ADGRL2: variants seen among roughly 807,000 people sequenced by gnomAD.
The protein encoded by ADGRL2 is adhesion G protein-coupled receptor L2.
A neutral mutation model predicts 157.4 loss-of-function variants in ADGRL2; 44 were observed. The ratio of observed to expected loss-of-function variants is 0.28; its 90% CI spans 0.22 to 0.36. ADGRL2 has a LOEUF of 0.36. Ranked by LOEUF, ADGRL2 falls within the 10% of genes least tolerant of loss-of-function variation. The pLI is 1.00. For missense variants in ADGRL2, 1,510 were observed against 1,768.9 expected (o/e 0.85, Z 2.63); for synonymous variants, 585 against 624.7 (o/e 0.94, Z 0.95).
chr1:81,913,201 T>G (rs2094773276), intron 3 of ADGRL2, among the ~76,000 whole-genome samples: 1 of 152,208 alleles, frequency 6.6e-6, no homozygotes, highest in Non-Finnish European at 1.5e-5. Context: ...ATCAATATCC[T>G]AACCTATTAT....
At chr1:81,355,788 T>C (rs1663240831) in intron 1 of ADGRL2, among the ~76,000 whole-genome samples, 1 of 152,180 alleles carries the variant, frequency 6.6e-6, no homozygotes, top group Admixed American at 6.5e-5. Context: ...TTATGTGTCA[T>C]TACCAGGAGA....
chr1:81,525,618 T>G lies in ADGRL2; in HGVS notation c.-247-55258T>G, dbSNP rs540685261. On this transcript the variant is annotated intron_variant, in intron 2 of 24. Transcript: ENST00000370721. ...CAGGCATGAGCCACCATACCCTGCC[T>G]ATAAAGTGTACTTTCTGACATAGTG... Among the ~76,000 whole-genome samples the G allele has an allele frequency of 2.0e-5, 3 of 152,314 alleles. No individual in the cohort carries two copies. In the South Asian group the frequency reaches 6.2e-4, roughly 32 times the overall value.
At chr1:81,755,853 A>C (rs1322543502) in intron 1 of ADGRL2, among the ~76,000 whole-genome samples, 1 of 152,096 alleles carries the variant, frequency 6.6e-6, no homozygotes, top group African/African-American at 2.4e-5. Flanking sequence ...ATCTAGCTTC[A>C]AGGATCCTCA....
Position 81,984,683 on chromosome 1 carries a change from C to T in ADGRL2, c.3383C>T (p.Thr1128Ile). 1.5e-5 allele frequency: 25 copies of T among 1,612,932 alleles called. No homozygotes were observed. The highest frequency in any genetic ancestry group is 2.1e-5 in the Non-Finnish European group (25 of 1,179,202). ...TCAGTGAAGGCATCAACCACCAGAACCAGTGCTCGCTATTCCTCTGGCACA... is the reference window on the plus strand; with the variant it reads ...TCAGTGAAGGCATCAACCACCAGAATCAGTGCTCGCTATTCCTCTGGCACA... The part of the protein sequence containing the change: ...HSSVKASTTR[T>I]SARYSSGTQS... The change falls in exon 20 of 24, where the codon ACC (threonine) becomes ATC (isoleucine). Residue 1128 changes from threonine (T) to isoleucine (I), a missense_variant. By Grantham distance (89) the Thr-to-Ile change is moderately conservative. Around this residue, in one of 4 missense-constraint regions of ADGRL2, gnomAD observed 497 missense variants for 627.2 expected, o/e 0.79. Coordinates refer to ENST00000686636, the MANE Select transcript of ADGRL2 (RefSeq NM_001366006.2).
intron 1 of ADGRL2, among the ~76,000 whole-genome samples, chr1:81,759,981 G>A (rs2085817928): frequency 6.6e-6 from 1 of 152,066 alleles, no homozygotes; most frequent in South Asian, 2.1e-4. Context: ...CCAAGGTAGG[G>A]ACTGGCTGGA....
chr1:81,841,627 A>G (rs1003086918), intron 2 of ADGRL2, among the ~76,000 whole-genome samples: 1 of 152,186 alleles, frequency 6.6e-6, no homozygotes, highest in Non-Finnish European at 1.5e-5. Context: ...ACACACGCAT[A>G]TAACAAAATC....
At chr1:81,722,367 C>A (rs761050990) in intron 1 of ADGRL2, 1 of 745,224 alleles carries the variant, frequency 1.3e-6, no homozygotes, top group Non-Finnish European at 2.4e-6. Flanking sequence ...GCTATTGAAG[C>A]CCTAAATGAT....
At chr1:81,915,201 G>A (rs548165955) in intron 3 of ADGRL2, among the ~76,000 whole-genome samples, 108 of 151,978 alleles carry the variant, frequency 7.1e-4, no homozygotes, top group Admixed American at 1.6e-3. Context: ...TCAGTCTCCC[G>A]AGTAGCTGGT....
At chr1:81,644,132 C>A (rs1033739214) in intron 3 of ADGRL2, among the ~76,000 whole-genome samples, 9 of 152,140 alleles carry the variant, frequency 5.9e-5, no homozygotes, top group African/African-American at 2.2e-4. Context: ...GGAAGAAAGT[C>A]TTCTCAACAA....
chr1:81,773,408 A>G (rs1219560304), intron 2 of ADGRL2, among the ~76,000 whole-genome samples: 1 of 152,166 alleles, frequency 6.6e-6, no homozygotes, highest in Non-Finnish European at 1.5e-5. Flanking sequence ...TCCACCAAAT[A>G]GAAGGGAATT....
chr1:81,828,877 T>C (rs1478740241), intron 1 of ADGRL2, among the ~76,000 whole-genome samples: 1 of 152,074 alleles, frequency 6.6e-6, no homozygotes, highest in Non-Finnish European at 1.5e-5. Context: ...CATGAATATT[T>C]TTCTTACCGT....
At chr1:81,338,002 T>A (rs186845754) in intron 1 of ADGRL2, among the ~76,000 whole-genome samples, 10 of 152,242 alleles carry the variant, frequency 6.6e-5, no homozygotes, top group Non-Finnish European at 1.3e-4. Flanking sequence ...CAGTAATATA[T>A]ATATTTGTTT....
At chr1:81,738,618 C>G (rs1441168559) in intron 1 of ADGRL2, among the ~76,000 whole-genome samples, 2 of 152,100 alleles carry the variant, frequency 1.3e-5, no homozygotes, top group Non-Finnish European at 2.9e-5. Flanking sequence ...AAGAAGAGAC[C>G]CCTCTACATG....
intron 2 of ADGRL2, among the ~76,000 whole-genome samples, chr1:81,856,101 A>G (rs61773939): frequency 0.049 from 7,414 of 152,228 alleles, 240 homozygotes; most frequent in South Asian, 0.083. Flanking sequence ...CTGGTCATAT[A>G]TAGCACAGAT....
intron 17 of ADGRL2, among the ~76,000 whole-genome samples, chr1:81,972,179 C>T (rs1481674360): frequency 6.6e-6 from 1 of 151,910 alleles, no homozygotes; most frequent in Non-Finnish European, 1.5e-5. Flanking sequence ...AAAAAACATG[C>T]TTACATATAG....
chr1:81,906,322 A>G (rs1049842979), intron 2 of ADGRL2, among the ~76,000 whole-genome samples: 16 of 152,156 alleles, frequency 1.1e-4, no homozygotes, highest in Non-Finnish European at 1.9e-4. Flanking sequence ...TCATACCAGT[A>G]TGTCACCCAG....
At chr1:81,708,050 G>A (rs2083797814) in intron 1 of ADGRL2, among the ~76,000 whole-genome samples, 1 of 151,948 alleles carries the variant, frequency 6.6e-6, no homozygotes, top group Non-Finnish European at 1.5e-5. Context: ...TTTCTTTTTA[G>A]TTGTAAGAAT....
At chr1:81,366,370 C>T (rs1261870370) in intron 1 of ADGRL2, among the ~76,000 whole-genome samples, 4 of 151,986 alleles carry the variant, frequency 2.6e-5, no homozygotes, top group Admixed American at 6.6e-5. Flanking sequence ...GAAGCAGGCT[C>T]AGTGCACAAA....
chr1:81,857,847 T>A (rs981389238), intron 2 of ADGRL2, among the ~76,000 whole-genome samples: 1 of 152,306 alleles, frequency 6.6e-6, no homozygotes, highest in East Asian at 1.9e-4. Flanking sequence ...GCCTTAATGA[T>A]ATTATTAATA....
Sources: allele counts gnomAD v4.1 joint callset (sites outside exome capture counted in the v4.1 genomes callset), GRCh38; gene constraint gnomAD v4.1.1; regional missense constraint gnomAD v4.1.1; transcripts MANE v1.5; gene names NCBI Gene and HGNC (gene_info 2026-07-23, HGNC 2026-07-21).